IGFN1: variants seen among roughly 807,000 people sequenced by gnomAD.
IGFN1 encodes the protein immunoglobulin like and fibronectin type III domain containing 1, also known as immunoglobulin-like and fibronectin type III domain-containing protein 1.
In IGFN1, 253 loss-of-function variants were observed where a neutral mutation model predicts 289.5. The observed-to-expected ratio is 0.87, with a 90% CI of 0.79 to 0.97. IGFN1 has a LOEUF of 0.97. Among genes scored for constraint, IGFN1 ranks in the 50% least tolerant of loss-of-function variants. The probability of loss-of-function intolerance (pLI) is 0.00; values close to 1 mark genes in which losing one functional copy is unlikely to be tolerated. For missense variants in IGFN1, 4,470 were observed against 4,686.1 expected (o/e 0.95, Z 1.35); for synonymous variants, 1,706 against 1,788.5 (o/e 0.95, Z 1.16).
chr1:201,212,416 C>A lies in IGFN1; in HGVS notation c.7523C>A (p.Ala2508Asp). ...GTPGSSRDRG[A>D]PRVKDRSPDQ... ...CCAGGGTCTTCTAGAGACAGAGGGG[C>A]TCCCAGGGTGAAGGATAGGTCTCCA... Residue 2508 changes from alanine to aspartate, a missense_variant, in exon 12 of 24, where the codon GCT becomes GAT. By Grantham distance (126) the Ala-to-Asp change is moderately radical. Around this residue, in one of 8 missense-constraint regions of IGFN1, gnomAD observed 2,218 missense variants for 2,114.1 expected, o/e 1.05. Transcript: ENST00000335211. 1 of 1,536,990 alleles carries A rather than the reference C, an allele frequency of 6.5e-7. No individual in the cohort carries two copies. The highest frequency in any genetic ancestry group is 8.7e-7 in the Non-Finnish European group (1 of 1,146,798).
chr1:201,214,484 A>T lies in IGFN1; in HGVS notation c.8853+183A>T, dbSNP rs562851053. Among the ~76,000 whole-genome samples, 3 of 152,308 alleles carry T rather than the reference A, an allele frequency of 2.0e-5. No homozygotes were observed. In the East Asian group the frequency reaches 5.8e-4, roughly 29 times the overall value. On this transcript the variant is annotated intron_variant, in intron 13 of 23. Coordinates refer to ENST00000335211, the MANE Select transcript of IGFN1 (RefSeq NM_001164586.2). The stretch of plus-strand genomic sequence containing the variant: ...TGTTTAAAATAAAATTGGATTTTTA[A>T]ATGATGTGTATCCTATGCCCCTCAG...
Position 201,216,617 on chromosome 1 carries a change from G to A in IGFN1, c.9459G>A (p.Glu3153=), listed in dbSNP as rs750467908. The change falls in exon 16 of 24, where the codon GAG becomes GAA. Residue 3153 remains glutamate (E), a synonymous_variant. Coordinates refer to ENST00000335211, the MANE Select transcript of IGFN1 (RefSeq NM_001164586.2). ...AGRSTWLKVG[E]APADSTTFTD... is the part of the protein sequence containing the mutation. Reference sequence around the variant, plus strand: ...GGAGCACTTGGCTGAAGGTGGGCGAGGCCCCCGCTGACAGCACCACCTTCA... The same window carrying A: ...GGAGCACTTGGCTGAAGGTGGGCGAAGCCCCCGCTGACAGCACCACCTTCA... 1 of 1,613,912 alleles carries A rather than the reference G, an allele frequency of 6.2e-7. No homozygotes were observed. Among genetic ancestry groups the A allele is most frequent in the South Asian group, 1.1e-5 (1 of 91,082 alleles).
intron 18 of IGFN1, among the ~76,000 whole-genome samples, chr1:201,219,308 T>G (rs531790579): frequency 5.9e-5 from 9 of 152,364 alleles, no homozygotes; most frequent in Non-Finnish European, 1.2e-4. Flanking sequence ...AAATCAATCC[T>G]GGTCTCTGCC....
chr1:201,210,210 G>A lies in IGFN1; in HGVS notation c.5317G>A (p.Glu1773Lys), dbSNP rs772445560. The change falls in exon 12 of 24, where the codon GAA becomes AAA. Residue 1773 changes from glutamate (E) to lysine (K), a missense_variant. Glu to Lys is a moderately conservative substitution (Grantham distance 56, BLOSUM62 1). Coordinates refer to ENST00000335211, the MANE Select transcript of IGFN1 (RefSeq NM_001164586.2). Reference sequence around the variant, plus strand: ...TAGGGATGCTTTAGGGAGTTCTGGGGAAATGGGGTCAATGGATGAGGCAGG... The same window carrying A: ...TAGGGATGCTTTAGGGAGTTCTGGGAAAATGGGGTCAATGGATGAGGCAGG... ...DFRDALGSSG[E>K]MGSMDEAGYR... 22 of 1,289,232 alleles carry A rather than the reference G, an allele frequency of 1.7e-5. 1 individual carries two copies. The South Asian group carries it at 3.3e-4, about 20-fold the overall frequency. The allele number at this position is 1,289,232 out of a possible 1,614,324, so 79.9% of individuals were successfully genotyped here.
rs1391334165 is a variant in IGFN1, at chr1:201,209,175, T to G, written c.4282T>G (p.Leu1428Val). Reference sequence around the variant, plus strand: ...AATGGGGTCAGGTTATAGGGAGGATTTGGGGGCTCCTGAGGGAATGGGCAC... The same window carrying G: ...AATGGGGTCAGGTTATAGGGAGGATGTGGGGGCTCCTGAGGGAATGGGCAC... Reference protein sequence around the residue: ...GEMGSGYREDLGAPEGMGTGS... With the variant: ...GEMGSGYREDVGAPEGMGTGS... Residue 1428 changes from leucine to valine, a missense_variant, in exon 12 of 24, where the codon TTG (leucine) becomes GTG (valine). This residue lies in a region of IGFN1 where 2,011 missense variants were observed against 1,953.4 expected (regional missense o/e 1.03). Transcript: ENST00000335211. The G allele has an allele frequency of 6.6e-7, 1 of 1,508,254 alleles. No homozygotes were observed. Among genetic ancestry groups the G allele is most frequent in the Non-Finnish European group, 8.8e-7 (1 of 1,135,162 alleles). 93.4% of individuals were successfully genotyped at this position (1,508,254 alleles called of 1,614,324 possible). A position where few individuals can be genotyped will look rare whatever the true frequency, so the allele number is the denominator to read the frequency against.
intron 5 of IGFN1, among the ~76,000 whole-genome samples, chr1:201,198,498 C>T (rs560799696): frequency 2.0e-5 from 3 of 151,998 alleles, no homozygotes; most frequent in African/African-American, 4.8e-5. Flanking sequence ...GATTATGGCT[C>T]ACTGCAGCCT....
chr1:201,204,295 A>G (rs1333791720), intron 10 of IGFN1, among the ~76,000 whole-genome samples: 1 of 152,196 alleles, frequency 6.6e-6, no homozygotes, highest in Admixed American at 6.5e-5. Context: ...TGGGTTAGGC[A>G]TCCTCACGCT....
In IGFN1 at chr1:201,206,375, A is replaced by G. The variant is rs1667422204; in HGVS notation, c.1482A>G (p.Val494=). The G allele has an allele frequency of 1.3e-6, 2 of 1,550,592 alleles. No individual in the cohort carries two copies. Among genetic ancestry groups the G allele is most frequent in the East Asian group, 4.9e-5 (2 of 40,922 alleles). Residue 494 remains valine (V), a synonymous_variant, in exon 12 of 24, where the codon GTA becomes GTG. Transcript: ENST00000335211. ...GPGQEGEGFP[V]AEGSRATLPR... is the part of the protein sequence containing the mutation. ...GACAGGAGGGCGAGGGCTTTCCAGT[A>G]GCAGAGGGAAGCAGAGCCACTCTTC...
In IGFN1 at chr1:201,214,305, C is replaced by T; in HGVS notation, c.8853+4C>T. 4 of 1,604,922 alleles carry T rather than the reference C, an allele frequency of 2.5e-6. No homozygotes were observed. Among genetic ancestry groups the T allele is most frequent in the Non-Finnish European group, 3.4e-6 (4 of 1,173,032 alleles). On this transcript the variant is annotated splice_donor_region_variant and intron_variant, in intron 13 of 23. Coordinates refer to ENST00000335211, the MANE Select transcript of IGFN1 (RefSeq NM_001164586.2). ...CTGGTTTAAGGATGGCGTCAAGGTA[C>T]TGCCTCCCCTCACACCTTCTCTTTA...
chr1:201,207,827 G>A lies in IGFN1; in HGVS notation c.2934G>A (p.Gly978=), dbSNP rs1667499200. Residue 978 remains glycine (G), a synonymous_variant, in exon 12 of 24, where the codon GGG becomes GGA. Transcript: ENST00000335211. ...GGGCTGGTTATAGCTATGGCTCAGG[G>A]GTTCCAGGAGAAATGGGGTCCGGCC... The part of the protein sequence containing the change: ...KSGAGYSYGS[G]VPGEMGSGHG... 1.3e-6 allele frequency: 2 copies of A among 1,535,864 alleles called. No individual in the cohort carries two copies. The highest frequency in any genetic ancestry group is 1.7e-6 in the Non-Finnish European group (2 of 1,146,218).
chr1:201,208,022 A>G lies in IGFN1; in HGVS notation c.3129A>G (p.Ser1043=), dbSNP rs1667515708. The change falls in exon 12 of 24, where the codon TCA becomes TCG. Residue 1043 remains serine (S), a synonymous_variant. Coordinates refer to ENST00000335211, the MANE Select transcript of IGFN1 (RefSeq NM_001164586.2). The part of the protein sequence containing the change: ...SGRVASLKNG[S]GGPDGAPMND... ...GAGTTGCCAGTCTTAAAAATGGCTCAGGTGGTCCTGATGGAGCACCCATGA... is the reference window on the plus strand; with the variant it reads ...GAGTTGCCAGTCTTAAAAATGGCTCGGGTGGTCCTGATGGAGCACCCATGA... 6.5e-7 allele frequency: 1 copy of G among 1,536,826 alleles called. No homozygotes were observed. The highest frequency in any genetic ancestry group is 8.7e-7 in the Non-Finnish European group (1 of 1,146,858).
intron 9 of IGFN1, 114 bp downstream of exon 9, chr1:201,201,946 G>C: frequency 1.5e-6 from 1 of 650,172 alleles, no homozygotes; most frequent in Non-Finnish European, 2.8e-6. Flanking sequence ...GAGCACACAA[G>C]TGGTGAGCCC....
rs12070918 is a variant in IGFN1, at chr1:201,212,089, A to G, written c.7196A>G (p.Asp2399Gly). The G allele has an allele frequency of 0.34, 519,832 of 1,535,946 alleles. 88,898 individuals are homozygous for G. Among genetic ancestry groups the G allele is most frequent in the South Asian group, 0.38 (31,688 of 84,020 alleles). The change falls in exon 12 of 24, where the codon GAC (aspartate) becomes GGC (glycine). Residue 2399 changes from aspartate to glycine, a missense_variant. This residue lies in a region of IGFN1 where 2,218 missense variants were observed against 2,114.1 expected (regional missense o/e 1.05). Coordinates refer to ENST00000335211, the MANE Select transcript of IGFN1 (RefSeq NM_001164586.2). ...RSGYWVASEG[D>G]TNSKDGPERA... The stretch of plus-strand genomic sequence containing the variant: ...GGATATTGGGTAGCATCAGAGGGTG[A>G]CACGAACTCCAAGGATGGTCCAGAG...
Position 201,211,962 on chromosome 1 carries a change from G to A in IGFN1, c.7069G>A (p.Gly2357Ser), listed in dbSNP as rs1332197230. ...SGETGPEGKM[G>S]YGDGSGRLGV... ...GGAAACGGGACCAGAGGGTAAGATG[G>A]GTTATGGAGATGGTTCAGGGAGGCT... The change falls in exon 12 of 24, where the codon GGT becomes AGT. Residue 2357 changes from glycine (G) to serine (S), a missense_variant. By Grantham distance (56) the Gly-to-Ser change is moderately conservative (BLOSUM62 0). Around this residue, in one of 8 missense-constraint regions of IGFN1, gnomAD observed 2,218 missense variants for 2,114.1 expected, o/e 1.05. Transcript: ENST00000335211. 3 of 1,533,574 alleles carry A rather than the reference G, an allele frequency of 2.0e-6. No individual in the cohort carries two copies. The highest frequency in any genetic ancestry group is 1.2e-5 in the South Asian group (1 of 83,506). 95.0% of individuals were successfully genotyped at this position (1,533,574 alleles called of 1,614,324 possible).
At chr1:201,197,785 GT>G (rs1390136922) in intron 5 of IGFN1, among the ~76,000 whole-genome samples, 2 of 152,186 alleles carry the variant, frequency 1.3e-5, no homozygotes, top group Admixed American at 6.5e-5. Context: ...TCAACCTGTA[GT>G]AATTAAAAGG....
intron 20 of IGFN1, 64 bp downstream of exon 20, chr1:201,222,891 C>T: frequency 2.7e-6 from 3 of 1,118,762 alleles, no homozygotes; most frequent in Non-Finnish European, 4.0e-6. Flanking sequence ...CAGACTCAGC[C>T]CTGTGGCTCT....
chr1:201,208,383 G>T lies in IGFN1; in HGVS notation c.3490G>T (p.Glu1164Ter), dbSNP rs1338930633. 5.5e-6 allele frequency: 8 copies of T among 1,457,184 alleles called. No homozygotes were observed. Among genetic ancestry groups the T allele is most frequent in the Non-Finnish European group, 7.2e-6 (8 of 1,114,102 alleles). 90.3% of individuals were successfully genotyped at this position (1,457,184 alleles called of 1,614,324 possible). A position where few individuals can be genotyped will look rare whatever the true frequency, so the allele number is the denominator to read the frequency against. ...TCTGAGGGCAGGAAGCAAAGTGGGT[G>T]AGGGGGATGGGACAAGATGCCCTGG... ...GSLRAGSKVG[E>*]GDGTRCPGAK... The change falls in exon 12 of 24, where the codon GAG becomes TAG. Residue 1164 changes from glutamate (E) to a stop codon, truncating the protein, a stop_gained. Coordinates refer to ENST00000335211, the MANE Select transcript of IGFN1 (RefSeq NM_001164586.2). LOFTEE classifies it high-confidence loss of function.
Position 201,207,346 on chromosome 1 carries a change from G to A in IGFN1, c.2453G>A (p.Gly818Asp). Residue 818 changes from glycine (G) to aspartate (D), a missense_variant, in exon 12 of 24, where the codon GGC becomes GAC. Physicochemically the swap from Gly to Asp is moderately conservative, Grantham distance 94. Transcript: ENST00000335211. ...YDPRSFQSSQ[G>D]WTAGHRAAGG... ...CCCAGAAGCTTCCAGTCTTCCCAGG[G>A]CTGGACAGCAGGTCACAGAGCAGCA... 1 of 1,536,940 alleles carries A rather than the reference G, an allele frequency of 6.5e-7. No individual in the cohort carries two copies. The highest frequency in any genetic ancestry group is 8.7e-7 in the Non-Finnish European group (1 of 1,146,898).
chr1:201,206,346 C>T lies in IGFN1; in HGVS notation c.1453C>T (p.Pro485Ser). The change falls in exon 12 of 24, where the codon CCT becomes TCT. Residue 485 changes from proline to serine, a missense_variant. Transcript: ENST00000335211. ...DKGTADSAWGPGQEGEGFPVA... is the reference protein window; with the variant it reads ...DKGTADSAWGSGQEGEGFPVA... ...AGGGACAGCTGACTCAGCCTGGGGC[C>T]CTGGACAGGAGGGCGAGGGCTTTCC... is the stretch of plus-strand genomic sequence containing the variant. 5 of 1,550,384 alleles carry T rather than the reference C, an allele frequency of 3.2e-6. No individual in the cohort carries two copies. In the South Asian group the frequency reaches 3.6e-5, roughly 11 times the overall value.
Sources: allele counts gnomAD v4.1 joint callset (sites outside exome capture counted in the v4.1 genomes callset), GRCh38; gene constraint gnomAD v4.1.1; regional missense constraint gnomAD v4.1.1; transcripts MANE v1.5; gene names NCBI Gene and HGNC (gene_info 2026-07-23, HGNC 2026-07-21).